TSNARE1: variants seen among roughly 807,000 people sequenced by gnomAD.
TSNARE1 encodes the protein t-SNARE domain containing 1.
Under a neutral mutation model 62.0 loss-of-function variants are expected in TSNARE1, and 49 were observed. The observed-to-expected ratio is 0.79, with a 90% CI of 0.63 to 1.00. The LOEUF (loss-of-function observed/expected upper bound fraction) is 1.00. TSNARE1 is among the 50% of genes least tolerant of loss of function. TSNARE1 has a pLI of 0.00. For missense variants in TSNARE1, 755 were observed against 700.1 expected (o/e 1.08, Z -0.88); for synonymous variants, 328 against 294.4 (o/e 1.11, Z -1.17).
chr8:142,305,804 G>C (rs1826571943), intron 9 of TSNARE1, among the ~76,000 whole-genome samples: 1 of 152,238 alleles, frequency 6.6e-6, no homozygotes, highest in South Asian at 2.1e-4. Context: ...GACAGACAAA[G>C]GCGGCTTTCT....
At chr8:142,258,404 G>A (rs981272046) in intron 12 of TSNARE1, among the ~76,000 whole-genome samples, 7 of 151,870 alleles carry the variant, frequency 4.6e-5, no homozygotes, top group African/African-American at 1.7e-4. Flanking sequence ...CTGTATCTTG[G>A]ACAAGTCTTC....
chr8:142,280,348 C>A, intron 11 of TSNARE1: 12 of 984,824 alleles, frequency 1.2e-5, no homozygotes, highest in Non-Finnish European at 1.4e-5. Context: ...AGAGGCTGAG[C>A]AGGGGGCAGA....
intron 12 of TSNARE1, chr8:142,271,220 G>C: frequency 1.0e-6 from 1 of 1,003,678 alleles, no homozygotes. Context: ...GTCCTGGAGT[G>C]AGGGTGAGGC....
chr8:142,263,488 A>G (rs1348714401), intron 12 of TSNARE1, among the ~76,000 whole-genome samples: 3 of 152,182 alleles, frequency 2.0e-5, no homozygotes, highest in Non-Finnish European at 4.4e-5. Context: ...GGCCTCAAAC[A>G]TCCCCTTCTC....
chr8:142,244,853 G>C (rs1817820234), intron 12 of TSNARE1, among the ~76,000 whole-genome samples: 1 of 152,240 alleles, frequency 6.6e-6, no homozygotes, highest in African/African-American at 2.4e-5. Context: ...GACCGGCAAG[G>C]GGCCTTCCTG....
At chr8:142,331,055 C>A in intron 5 of TSNARE1, 85 bp from the exon 6 acceptor site, 1 of 1,279,584 alleles carries the variant, frequency 7.8e-7, no homozygotes. Flanking sequence ...CACTGCAGCC[C>A]GGGCAGGGTG....
chr8:142,274,313 A>G (rs1350451530), intron 12 of TSNARE1: 8 of 985,408 alleles, frequency 8.1e-6, no homozygotes, highest in Non-Finnish European at 9.6e-6. Flanking sequence ...GTGAGTGGCT[A>G]GTCCTCAAGG....
Position 142,300,635 on chromosome 8 carries a change from C to G in TSNARE1, c.1141G>C (p.Ala381Pro). The G allele has an allele frequency of 3.7e-6, 6 of 1,613,176 alleles. No individual in the cohort carries two copies. Among genetic ancestry groups the G allele is most frequent in the Non-Finnish European group, 5.1e-6 (6 of 1,179,702 alleles). ...AQRGSKQSPQAPFAELADDEK... is the reference protein window; with the variant it reads ...AQRGSKQSPQPPFAELADDEK... The stretch of plus-strand genomic sequence containing the variant: ...TCATCAGCCAGCTCGGCAAACGGGG[C>G]CTGGGGACTCTGCTGATGACAGACA... Residue 381 changes from alanine (A) to proline (P), a missense_variant, in exon 10 of 14, where the codon GCC (alanine) becomes CCC (proline). Transcript: ENST00000524325.
chr8:142,362,494 T>C (rs1195580822), intron 1 of TSNARE1, among the ~76,000 whole-genome samples: 2 of 152,148 alleles, frequency 1.3e-5, no homozygotes, highest in Non-Finnish European at 2.9e-5. Flanking sequence ...GGGGAGTCTG[T>C]AAGGAAAGAG....
intron 9 of TSNARE1, among the ~76,000 whole-genome samples, chr8:142,308,010 TTA>T (rs1826967508): frequency 6.6e-6 from 1 of 152,240 alleles, no homozygotes; most frequent in African/African-American, 2.4e-5. Flanking sequence ...AATCACAGGC[TTA>T]TGAGCCAACC....
At chr8:142,308,513 C>T (rs1007778651) in intron 9 of TSNARE1, among the ~76,000 whole-genome samples, 3 of 152,190 alleles carry the variant, frequency 2.0e-5, no homozygotes, top group Non-Finnish European at 4.4e-5. Flanking sequence ...CCAGCCGCCA[C>T]GTACGTGTGG....
intron 11 of TSNARE1, chr8:142,279,966 G>A (rs1019821549): frequency 5.4e-6 from 6 of 1,115,834 alleles, no homozygotes; most frequent in Admixed American, 5.1e-5. Context: ...GGGCGGGGCC[G>A]CCCTCCGCCA....
chr8:142,230,282 G>A (rs1282983645), intron 12 of TSNARE1, among the ~76,000 whole-genome samples: 1 of 152,176 alleles, frequency 6.6e-6, no homozygotes, highest in African/African-American at 2.4e-5. Context: ...AGAAAAACGG[G>A]AGCTTAAATG....
chr8:142,253,219 G>A (rs753550458), intron 12 of TSNARE1, among the ~76,000 whole-genome samples: 1 of 152,238 alleles, frequency 6.6e-6, no homozygotes, highest in Non-Finnish European at 1.5e-5. Context: ...GCCGGTAGCC[G>A]TGGAGTCACA....
At chr8:142,374,128 A>C (rs1836123387) in intron 1 of TSNARE1, among the ~76,000 whole-genome samples, 1 of 151,916 alleles carries the variant, frequency 6.6e-6, no homozygotes, top group Non-Finnish European at 1.5e-5. Context: ...ACATGGTGAA[A>C]CCCCGTCTCT....
chr8:142,253,264 C>T (rs1403063114), intron 12 of TSNARE1, among the ~76,000 whole-genome samples: 1 of 152,214 alleles, frequency 6.6e-6, no homozygotes, highest in Non-Finnish European at 1.5e-5. Context: ...GAAGCAGGGC[C>T]GCTGGGCCAC....
rs543797112 is a variant in TSNARE1 at position 142,383,201 on chromosome 8, A to T, written c.-40+19903T>A. 3.3e-4 allele frequency among the ~76,000 whole-genome samples: 51 copies of T among 152,274 alleles called. No individual in the cohort carries two copies. In the South Asian group the frequency reaches 0.01, roughly 31 times the overall value. ...GACCTAAGGGAGGGGAGACAGGAGA[A>T]CCAGGGGTCAGTGTGCGTGGAGAAC... On this transcript the variant is annotated intron_variant, in intron 1 of 13. Coordinates refer to ENST00000524325, the MANE Select transcript of TSNARE1 (RefSeq NM_145003.5).
In TSNARE1 at chr8:142,323,592, C is replaced by T. The variant is rs540992443; in HGVS notation, c.894-4958G>A. Among the ~76,000 whole-genome samples the T allele has an allele frequency of 4.1e-4, 62 of 152,330 alleles. 3 individuals are homozygous for T. Among genetic ancestry groups the T allele is most frequent in the African/African-American group, 1.4e-3 (60 of 41,566 alleles). On this transcript the variant is annotated intron_variant, in intron 6 of 13. Coordinates refer to ENST00000524325, the MANE Select transcript of TSNARE1 (RefSeq NM_145003.5). ...GGGCTCCTCCGGGAAATGGCGACTCCAATCTGAGGCTGGACACTGCTCCAA... is the reference window on the plus strand; with the variant it reads ...GGGCTCCTCCGGGAAATGGCGACTCTAATCTGAGGCTGGACACTGCTCCAA...
intron 12 of TSNARE1, among the ~76,000 whole-genome samples, 168 bp from the exon 13 acceptor site, chr8:142,229,747 C>T (rs911322282): frequency 1.3e-5 from 2 of 152,158 alleles, no homozygotes; most frequent in Non-Finnish European, 1.5e-5. Context: ...CCTGAGCTAG[C>T]ATGACTGTTT....
Sources: gnomAD v4.1 joint callset for allele counts (sites outside exome capture counted in the v4.1 genomes callset) on GRCh38, gnomAD v4.1.1 for gene constraint, MANE v1.5 for transcripts, NCBI Gene and HGNC (gene_info 2026-07-23, HGNC 2026-07-21) for gene names.